The following TTC29 variants were observed in gnomAD, a reference collection of about 807,000 sequenced individuals.
TTC29 encodes tetratricopeptide repeat protein 29.
A neutral mutation model predicts 58.1 loss-of-function variants in TTC29; 49 were observed. The ratio of observed to expected loss-of-function variants is 0.84; its 90% CI spans 0.67 to 1.07. TTC29 has a LOEUF of 1.07. Ranked by LOEUF, TTC29 falls within the 50% of genes least tolerant of loss-of-function variation. The probability of loss-of-function intolerance (pLI) is 0.00; values close to 1 mark genes in which losing one functional copy is unlikely to be tolerated. For synonymous variants in TTC29, 209 were observed against 196.8 expected, an observed-to-expected ratio of 1.06 and a Z score of -0.52; for missense variants, 582 against 555.6, an observed-to-expected ratio of 1.05 and a Z score of -0.48.
chr4:146,943,380 G>C (rs1736610157), intron 2 of TTC29, among the ~76,000 whole-genome samples: 1 of 151,470 alleles, frequency 6.6e-6, no homozygotes, highest in South Asian at 2.1e-4. Flanking sequence ...GGGGTGGTCA[G>C]AGCTGAATGA....
chr4:146,862,447 G>T (rs1462111045), intron 8 of TTC29, among the ~76,000 whole-genome samples: 1 of 151,974 alleles, frequency 6.6e-6, no homozygotes, highest in African/African-American at 2.4e-5. Flanking sequence ...CTTTCATCAG[G>T]TCCAGAAAGA....
chr4:146,816,806 A>T (rs1751440407), intron 10 of TTC29, among the ~76,000 whole-genome samples: 1 of 152,228 alleles, frequency 6.6e-6, no homozygotes, highest in Non-Finnish European at 1.5e-5. Flanking sequence ...AGTTTCACTC[A>T]TTCAAATTAA....
At chr4:146,825,772 G>C (rs1209375585) in intron 9 of TTC29, among the ~76,000 whole-genome samples, 1 of 152,146 alleles carries the variant, frequency 6.6e-6, no homozygotes, top group African/African-American at 2.4e-5. Context: ...CTTGTTTTAT[G>C]AATCTGGGTG....
chr4:146,939,925 T>A (rs1245798773), intron 2 of TTC29, 24 bp from the exon 3 acceptor site: 2 of 1,583,704 alleles, frequency 1.3e-6, no homozygotes, highest in Non-Finnish European at 1.7e-6. Flanking sequence ...TAAGTAGAAA[T>A]TGTATTTTAA....
chr4:146,790,326 C>T (rs2150101418), intron 11 of TTC29, among the ~76,000 whole-genome samples: 1 of 151,818 alleles, frequency 6.6e-6, no homozygotes, highest in East Asian at 1.9e-4. Context: ...GTAGCTGGGA[C>T]TACAGGCGCC....
intron 11 of TTC29, among the ~76,000 whole-genome samples, chr4:146,797,537 AT>A (rs890478931): frequency 7.3e-5 from 11 of 150,466 alleles, no homozygotes; most frequent in East Asian, 1.9e-4. Flanking sequence ...TTTGATGCTT[AT>A]TTTTTTTTAT....
intron 11 of TTC29, among the ~76,000 whole-genome samples, chr4:146,747,666 C>T (rs1024061969): frequency 6.6e-6 from 1 of 152,180 alleles, no homozygotes; most frequent in African/African-American, 2.4e-5. Context: ...CTGGGGACCT[C>T]AGGCCTCCAA....
chr4:146,810,240 T>G (rs1291089288), intron 10 of TTC29, among the ~76,000 whole-genome samples: 1 of 151,974 alleles, frequency 6.6e-6, no homozygotes, highest in Non-Finnish European at 1.5e-5. Flanking sequence ...GAAGGGAACA[T>G]CACATACCTG....
chr4:146,763,587 G>A (rs1234202495), intron 11 of TTC29, among the ~76,000 whole-genome samples: 3 of 152,084 alleles, frequency 2.0e-5, no homozygotes, highest in Non-Finnish European at 4.4e-5. Context: ...TGCTCTTAAG[G>A]CAACACGATG....
intron 5 of TTC29, among the ~76,000 whole-genome samples, chr4:146,904,897 A>T (rs1429600118): frequency 6.6e-6 from 1 of 152,194 alleles, no homozygotes. Flanking sequence ...AAGTCACCCC[A>T]ATGTTTCAAA....
intron 5 of TTC29, among the ~76,000 whole-genome samples, chr4:146,905,379 T>C: frequency 6.7e-6 from 1 of 150,274 alleles, no homozygotes; most frequent in East Asian, 1.9e-4. Context: ...TTTTTTTATA[T>C]TTTAGTAATT....
rs188530877 is a variant in TTC29, at chr4:146,852,696, T to A, written c.885+14802A>T. 3.4e-3 allele frequency among the ~76,000 whole-genome samples: 518 copies of A among 152,320 alleles called. 3 individuals are homozygous for A. The highest frequency in any genetic ancestry group is 5.5e-3 in the Non-Finnish European group (372 of 68,022). ...ATATGTCTCTTTTCCATGTAGATAA[T>A]GCAGTCTTGCACTACAGGAACAATC... is the stretch of plus-strand genomic sequence containing the variant. On this transcript the variant is annotated intron_variant, in intron 8 of 12. Transcript: ENST00000325106.
At chr4:146,921,138 G>A (rs1420466666) in intron 4 of TTC29, among the ~76,000 whole-genome samples, 1 of 151,412 alleles carries the variant, frequency 6.6e-6, no homozygotes, top group Non-Finnish European at 1.5e-5. Flanking sequence ...AGTGAAGCCA[G>A]GAGTTTTCAC....
chr4:146,805,776 G>A (rs1015489452), intron 10 of TTC29, among the ~76,000 whole-genome samples: 2 of 152,126 alleles, frequency 1.3e-5, no homozygotes, highest in East Asian at 3.9e-4. Flanking sequence ...GTACCTGAAA[G>A]TGATGGGCAG....
In TTC29 at chr4:146,881,654, T is replaced by G. The variant is rs11930814; in HGVS notation, c.587-6726A>C. Among the ~76,000 whole-genome samples, 294 of 152,146 alleles carry G rather than the reference T, an allele frequency of 1.9e-3. 3 individuals carry two copies. Among genetic ancestry groups the G allele is most frequent in the African/African-American group, 6.8e-3 (281 of 41,538 alleles). ...ATGAACAATTTATATTATCTTTAGG[T>G]TTTTACATTTAATTATGATAATTAT... On this transcript the variant is annotated intron_variant, in intron 6 of 12. Transcript: ENST00000325106.
At chr4:146,712,338 G>GA (rs1404242795) in intron 11 of TTC29, among the ~76,000 whole-genome samples, 1 of 152,110 alleles carries the variant, frequency 6.6e-6, no homozygotes, top group Non-Finnish European at 1.5e-5. Context: ...TGTCCTTTGG[G>GA]AAAAAAGATG....
chr4:146,864,788 C>T (rs1730461972), intron 8 of TTC29, among the ~76,000 whole-genome samples: 1 of 152,072 alleles, frequency 6.6e-6, no homozygotes, highest in Admixed American at 6.6e-5. Flanking sequence ...AATCTTCCGC[C>T]TTTTTCTTAT....
chr4:146,731,663 C>A (rs1274400778), intron 11 of TTC29, among the ~76,000 whole-genome samples: 4 of 151,912 alleles, frequency 2.6e-5, no homozygotes, highest in Admixed American at 2.6e-4. Flanking sequence ...AGTCTGGGTC[C>A]CAGAGAAAAT....
chr4:146,831,281 AATAG>A (rs1423537594), intron 9 of TTC29, among the ~76,000 whole-genome samples: 10 of 152,282 alleles, frequency 6.6e-5, no homozygotes, highest in African/African-American at 2.4e-4. Context: ...AATTAAAAAA[AATAG>A]ATAGGTTCTC....
Sources: gnomAD v4.1 joint callset for allele counts (sites outside exome capture counted in the v4.1 genomes callset) on GRCh38, gnomAD v4.1.1 for gene constraint, MANE v1.5 for transcripts, NCBI Gene and HGNC (gene_info 2026-07-23, HGNC 2026-07-21) for gene names.